The following OCA2 variants were observed in gnomAD, a reference collection of about 807,000 sequenced individuals.
OCA2 encodes the protein P protein.
In OCA2, 77 loss-of-function variants were observed where a neutral mutation model predicts 100.2. The observed-to-expected ratio is 0.77, with a 90% CI of 0.64 to 0.93. The LOEUF is 0.93. Among genes scored for constraint, OCA2 ranks in the 40% least tolerant of loss-of-function variants. The pLI is 0.00. For synonymous variants in OCA2, 432 were observed against 439.2 expected, an observed-to-expected ratio of 0.98 and a Z score of 0.21; for missense variants, 1,062 against 1,089.1, an observed-to-expected ratio of 0.98 and a Z score of 0.35.
intron 18 of OCA2, among the ~76,000 whole-genome samples, chr15:27,941,796 G>A (rs781369531): frequency 6.6e-6 from 1 of 152,172 alleles, no homozygotes; most frequent in South Asian, 2.1e-4. Context: ...GCAAAAGAAG[G>A]CTGTTGTTAA....
At chr15:28,052,665 C>T (rs569892148) in intron 2 of OCA2, among the ~76,000 whole-genome samples, 2 of 152,352 alleles carry the variant, frequency 1.3e-5, no homozygotes, top group South Asian at 4.1e-4. Context: ...AATAATGACA[C>T]TACGATACGA....
chr15:27,949,720 C>A (rs2039969648), intron 18 of OCA2, among the ~76,000 whole-genome samples: 1 of 152,138 alleles, frequency 6.6e-6, no homozygotes, highest in African/African-American at 2.4e-5. Flanking sequence ...AACAGAACTT[C>A]ACCAAAGATA....
chr15:27,955,054 A>T, intron 17 of OCA2, 104 bp downstream of exon 17: 1 of 873,064 alleles, frequency 1.1e-6, no homozygotes. Flanking sequence ...CCACAGAAAT[A>T]AAAAGAGAAA....
the OCA2 span, among the ~76,000 whole-genome samples, chr15:27,734,044 C>A: frequency 6.6e-6 from 1 of 151,036 alleles, no homozygotes; most frequent in Non-Finnish European, 1.5e-5. Flanking sequence ...ACTGTAATCC[C>A]AGCTACTCAG....
intron 23 of OCA2, among the ~76,000 whole-genome samples, chr15:27,819,620 T>C (rs2034429862): frequency 6.6e-6 from 1 of 152,278 alleles, no homozygotes; most frequent in Non-Finnish European, 1.5e-5. Flanking sequence ...GTGCAAGGGG[T>C]GGAGGCTAGA....
At position 27,989,570 on chromosome 15, in the gene OCA2, A is replaced by G. The variant is rs756027430; in HGVS notation, c.1182+31T>C. On this transcript the variant is annotated intron_variant, in intron 11 of 23. Coordinates refer to ENST00000354638, the MANE Select transcript of OCA2 (RefSeq NM_000275.3). ...GAAGGCCCGGTTACCGCAGGCGTGG[A>G]GCCCAGTCCCACGGGGAGAGCTGTA... 2.5e-6 allele frequency: 4 copies of G among 1,595,112 alleles called. No homozygotes were observed. The South Asian group carries it at 3.3e-5, about 13-fold the overall frequency.
At chr15:28,010,164 T>TA (rs908154488) in intron 9 of OCA2, among the ~76,000 whole-genome samples, 15 of 150,736 alleles carry the variant, frequency 1.0e-4, no homozygotes, top group South Asian at 6.3e-4. Context: ...TTATGGTTTT[T>TA]AAAAAAAAAG....
intron 2 of OCA2, among the ~76,000 whole-genome samples, chr15:28,076,795 C>T (rs2044441406): frequency 7.2e-6 from 1 of 139,012 alleles, no homozygotes; most frequent in Non-Finnish European, 1.5e-5. Context: ...TGCAGTGAGC[C>T]GAGATTGCGC....
At chr15:27,782,817 C>G (rs2032611990) in intron 23 of OCA2, among the ~76,000 whole-genome samples, 1 of 152,266 alleles carries the variant, frequency 6.6e-6, no homozygotes. Context: ...TGAAAGCCTA[C>G]TATCCCCATA....
chr15:27,947,084 G>T (rs1186768718), intron 18 of OCA2, among the ~76,000 whole-genome samples: 1 of 152,182 alleles, frequency 6.6e-6, no homozygotes, highest in Non-Finnish European at 1.5e-5. Context: ...GTCCACACTT[G>T]GCTGAACCTA....
intron 14 of OCA2, among the ~76,000 whole-genome samples, chr15:27,971,328 T>A (rs1232195122): frequency 2.6e-5 from 4 of 152,216 alleles, no homozygotes; most frequent in African/African-American, 7.2e-5. Context: ...CACGCTTCCC[T>A]CAAGAGACTT....
At chr15:27,852,060 G>A (rs1409067485) in intron 21 of OCA2, among the ~76,000 whole-genome samples, 2 of 152,306 alleles carry the variant, frequency 1.3e-5, no homozygotes, top group East Asian at 3.9e-4. Flanking sequence ...CATGACATCA[G>A]GTACCAGATT....
At chr15:28,082,827 T>G (rs868407021) in intron 1 of OCA2, among the ~76,000 whole-genome samples, 8 of 151,480 alleles carry the variant, frequency 5.3e-5, no homozygotes, top group African/African-American at 2.0e-4. Flanking sequence ...AATACTATTC[T>G]GGTGAGAATA....
At chr15:28,089,704 A>G (rs1169186307) in intron 1 of OCA2, among the ~76,000 whole-genome samples, 7 of 152,266 alleles carry the variant, frequency 4.6e-5, no homozygotes, top group Non-Finnish European at 7.3e-5. Flanking sequence ...CAACTATGCA[A>G]GGTCTATAAG....
intron 19 of OCA2, among the ~76,000 whole-genome samples, chr15:27,899,458 T>C (rs2037836741): frequency 6.6e-6 from 1 of 152,204 alleles, no homozygotes; most frequent in Admixed American, 6.5e-5. Context: ...AATTTATGAT[T>C]AGGTTAGAAA....
intron 9 of OCA2, among the ~76,000 whole-genome samples, chr15:28,013,074 G>C (rs2042286027): frequency 6.6e-6 from 1 of 152,136 alleles, no homozygotes; most frequent in African/African-American, 2.4e-5. Context: ...TCAACTCCCT[G>C]AGCATTCTCC....
At chr15:28,024,810 C>T (rs774174228) in intron 5 of OCA2, 35 bp downstream of exon 5, 1 of 1,612,482 alleles carries the variant, frequency 6.2e-7, no homozygotes, top group South Asian at 1.1e-5. Context: ...CTTCCACGGA[C>T]CCAACAGTAG....
At chr15:28,070,109 T>G in intron 2 of OCA2, among the ~76,000 whole-genome samples, 2 of 101,602 alleles carry the variant, frequency 2.0e-5, no homozygotes, top group Admixed American at 9.0e-5. Context: ...GTCTGGGAGG[T>G]GAGGAGCGTC....
chr15:27,995,158 A>C (rs8024822), intron 9 of OCA2, among the ~76,000 whole-genome samples: 91,573 of 152,014 alleles, frequency 0.6, 31,780 homozygotes, highest in Non-Finnish European at 0.79. Context: ...GAGAAATTGA[A>C]AGCAATGCAA....
Sources: allele counts gnomAD v4.1 joint callset (sites outside exome capture counted in the v4.1 genomes callset), GRCh38; gene constraint gnomAD v4.1.1; transcripts MANE v1.5; gene names NCBI Gene and HGNC (gene_info 2026-07-23, HGNC 2026-07-21).